PDSS2: variants seen among roughly 807,000 people sequenced by gnomAD.
PDSS2 encodes the protein decaprenyl diphosphate synthase subunit 2, also known as all trans-polyprenyl-diphosphate synthase PDSS2.
In PDSS2, 31 loss-of-function variants were observed where a neutral mutation model predicts 44.5. The ratio of observed to expected loss-of-function variants is 0.70; its 90% CI spans 0.52 to 0.94. The LOEUF is 0.94. Among genes scored for constraint, PDSS2 ranks in the 40% least tolerant of loss-of-function variants. PDSS2 has a pLI of 0.00. For missense variants in PDSS2, 452 were observed against 482.2 expected (o/e 0.94, Z 0.59); for synonymous variants, 157 against 180.3 (o/e 0.87, Z 1.03).
chr6:107,173,122 C>CA (rs34305757), intron 7 of PDSS2, among the ~76,000 whole-genome samples: 28,528 of 122,446 alleles, frequency 0.23, 3,334 homozygotes, highest in Middle Eastern at 0.39. Flanking sequence ...GACTCTGTCT[C>CA]AAAAAAAAAA....
Position 107,334,336 on chromosome 6 carries a change from C to A in PDSS2, c.297-4G>T. On this transcript the variant is annotated splice_polypyrimidine_tract_variant and splice_region_variant and intron_variant, in intron 1 of 7. Coordinates refer to ENST00000369037, the MANE Select transcript of PDSS2 (RefSeq NM_020381.4). ...CCAGCTGTCATGTACAAGCCCCCTG[C>A]CAACAAGCAAAGAAGGAAGAGGATT... 1 of 1,613,176 alleles carries A rather than the reference C, an allele frequency of 6.2e-7. No homozygotes were observed. Among genetic ancestry groups the A allele is most frequent in the Non-Finnish European group, 8.5e-7 (1 of 1,179,472 alleles).
At chr6:107,334,509 A>G (rs1269261807) in intron 1 of PDSS2, among the ~76,000 whole-genome samples, 177 bp from the exon 2 acceptor site, 1 of 144,496 alleles carries the variant, frequency 6.9e-6, no homozygotes, top group Non-Finnish European at 1.5e-5. Context: ...GGAAACAACT[A>G]GAGAAATCTA....
intron 7 of PDSS2, among the ~76,000 whole-genome samples, chr6:107,187,707 C>T (rs775038149): frequency 2.6e-5 from 4 of 151,804 alleles, no homozygotes; most frequent in Non-Finnish European, 5.9e-5. Flanking sequence ...TTTGAGTCTA[C>T]GGTCCTCGAT....
chr6:107,301,691 T>A (rs1182607889), intron 2 of PDSS2, among the ~76,000 whole-genome samples: 28 of 152,030 alleles, frequency 1.8e-4, no homozygotes, highest in Admixed American at 1.8e-3. Context: ...AGGCTGGGTT[T>A]GGTGGCTCAC....
intron 2 of PDSS2, among the ~76,000 whole-genome samples, chr6:107,297,528 G>A (rs1193371226): frequency 6.6e-6 from 1 of 151,438 alleles, no homozygotes; most frequent in African/African-American, 2.4e-5. Context: ...GGTTACAGGC[G>A]TCCGTCACCA....
chr6:107,400,405 C>T (rs979709661), intron 1 of PDSS2, among the ~76,000 whole-genome samples: 2 of 152,132 alleles, frequency 1.3e-5, no homozygotes, highest in African/African-American at 4.8e-5. Flanking sequence ...GTGTGAGCTC[C>T]AGCTGCAGGT....
intron 2 of PDSS2, among the ~76,000 whole-genome samples, chr6:107,295,584 T>C (rs1776484968): frequency 6.6e-6 from 1 of 152,190 alleles, no homozygotes; most frequent in South Asian, 2.1e-4. Flanking sequence ...TAAGATTTTA[T>C]ATGGAGATAA....
intron 6 of PDSS2, among the ~76,000 whole-genome samples, chr6:107,207,608 C>CTTT (rs777686277): frequency 1.1e-3 from 124 of 110,388 alleles, no homozygotes; most frequent in Non-Finnish European, 1.6e-3. Context: ...AGTAAAGTGT[C>CTTT]TTTTTTTTTT....
intron 1 of PDSS2, among the ~76,000 whole-genome samples, chr6:107,349,310 G>T (rs555570916): frequency 3.9e-5 from 6 of 152,242 alleles, no homozygotes; most frequent in African/African-American, 1.4e-4. Flanking sequence ...GCGGGCGCCT[G>T]TAGTCCCAGC....
rs148873616 is a variant in PDSS2 at position 107,226,381 on chromosome 6, C to G, written c.703-14099G>C. 7.2e-5 allele frequency among the ~76,000 whole-genome samples: 11 copies of G among 152,280 alleles called. No homozygotes were observed. The East Asian group carries it at 1.7e-3, about 24-fold the overall frequency. ...GAAAATGAACATACTTCTATGACCA[C>G]ATGGAATAAAAGAACTTGGCTGAGA... On this transcript the variant is annotated intron_variant, in intron 4 of 7. Coordinates refer to ENST00000369037, the MANE Select transcript of PDSS2 (RefSeq NM_020381.4).
chr6:107,292,019 G>A (rs1442844816), intron 2 of PDSS2, among the ~76,000 whole-genome samples: 3 of 152,032 alleles, frequency 2.0e-5, no homozygotes, highest in Non-Finnish European at 4.4e-5. Context: ...AGAGCTCTGT[G>A]TCTCTTTTAG....
chr6:107,400,706 G>T (rs954193273), intron 1 of PDSS2, among the ~76,000 whole-genome samples: 14 of 152,170 alleles, frequency 9.2e-5, no homozygotes, highest in African/African-American at 3.1e-4. Context: ...CATGGCAGTG[G>T]TTGTCCTACT....
Position 107,207,117 on chromosome 6 carries a change from C to T in PDSS2, c.1008+3322G>A, listed in dbSNP as rs959025994. Among the ~76,000 whole-genome samples, 6 of 151,860 alleles carry T rather than the reference C, an allele frequency of 4.0e-5. No homozygotes were observed. The South Asian group carries it at 8.3e-4, about 21-fold the overall frequency. On this transcript the variant is annotated intron_variant, in intron 6 of 7. Coordinates refer to ENST00000369037, the MANE Select transcript of PDSS2 (RefSeq NM_020381.4). ...AAGTGATTCTCCTGCCTTAGCCTCC[C>T]GAGTAGCTGGGACTACAGGCGCCCG...
intron 1 of PDSS2, among the ~76,000 whole-genome samples, chr6:107,416,767 C>T (rs967292310): frequency 2.0e-5 from 3 of 152,112 alleles, no homozygotes; most frequent in South Asian, 4.1e-4. Flanking sequence ...AACTTCTTAG[C>T]TTGCTAGCAA....
intron 1 of PDSS2, among the ~76,000 whole-genome samples, chr6:107,415,494 T>C (rs1364760298): frequency 6.6e-6 from 1 of 152,072 alleles, no homozygotes; most frequent in Non-Finnish European, 1.5e-5. Context: ...TACTGTCTCC[T>C]TTGGTTGCTA....
Position 107,155,014 on chromosome 6 carries a change from T to C in PDSS2, c.1042-237A>G, listed in dbSNP as rs9373922. 0.067 allele frequency among the ~76,000 whole-genome samples: 10,226 copies of C among 152,198 alleles called. 948 individuals carry two copies. The highest frequency in any genetic ancestry group is 0.2 in the African/African-American group (8,259 of 41,494). ...AGCAGCACAATAGGTTCCAATCAGCTTAATTACAGCTCCTCCTGACTCCCA... is the reference window on the plus strand; with the variant it reads ...AGCAGCACAATAGGTTCCAATCAGCCTAATTACAGCTCCTCCTGACTCCCA... On this transcript the variant is annotated intron_variant, in intron 7 of 7. Transcript: ENST00000369037.
intron 1 of PDSS2, among the ~76,000 whole-genome samples, chr6:107,406,831 T>A (rs1353983586): frequency 6.6e-6 from 1 of 152,200 alleles, no homozygotes; most frequent in African/African-American, 2.4e-5. Context: ...GTGGGTAGAA[T>A]AACATTCATA....
intron 7 of PDSS2, among the ~76,000 whole-genome samples, chr6:107,191,253 CTCTGGCTGGTAAAGA>C (rs1305077579): frequency 6.6e-6 from 1 of 152,150 alleles, no homozygotes; most frequent in Admixed American, 6.5e-5. Context: ...TAGACAGCCA[CTCTGGCTGGTAAAGA>C]TCTGTGGGGA....
intron 1 of PDSS2, among the ~76,000 whole-genome samples, chr6:107,369,943 G>A (rs1380882517): frequency 6.6e-6 from 1 of 151,990 alleles, no homozygotes; most frequent in Non-Finnish European, 1.5e-5. Context: ...GGTCAGGGCT[G>A]CAGTTTCTTT....
Sources: allele counts gnomAD v4.1 joint callset (sites outside exome capture counted in the v4.1 genomes callset), GRCh38; gene constraint gnomAD v4.1.1; transcripts MANE v1.5; gene names NCBI Gene and HGNC (gene_info 2026-07-23, HGNC 2026-07-21).